The following SIN3B variants were observed in gnomAD, a reference collection of about 807,000 sequenced individuals.
The protein encoded by SIN3B is paired amphipathic helix protein Sin3b.
In SIN3B, 19 loss-of-function variants were observed where a neutral mutation model predicts 120.2. The observed-to-expected ratio is 0.16, with a 90% CI of 0.11 to 0.23. The LOEUF (loss-of-function observed/expected upper bound fraction) is 0.23, where lower values mean the gene tolerates loss of function less well. Among genes scored for constraint, SIN3B ranks in the 10% least tolerant of loss-of-function variants. SIN3B has a pLI of 1.00. For synonymous variants in SIN3B, 654 were observed against 653.2 expected (o/e 1.00, Z -0.02); for missense variants, 1,073 against 1,573.0 (o/e 0.68, Z 5.38).
intron 2 of SIN3B, among the ~76,000 whole-genome samples, chr19:16,830,657 C>T (rs1189038789): frequency 2.0e-5 from 3 of 152,162 alleles, no homozygotes; most frequent in East Asian, 3.9e-4. Flanking sequence ...GGTTTCCTTC[C>T]GGGAGCCCAG....
chr19:16,829,799 C>T lies in SIN3B; in HGVS notation c.129C>T (p.Asp43=). The T allele has an allele frequency of 1.2e-6, 2 of 1,612,256 alleles. No individual in the cohort carries two copies. The highest frequency in any genetic ancestry group is 1.7e-6 in the Non-Finnish European group (2 of 1,178,656). Reference sequence around the variant, plus strand: ...CCTCCCCCTCTCTGCAGGTAGAAGACGCCCTCACCTATCTGGACCAGGTGA... The same window carrying T: ...CCTCCCCCTCTCTGCAGGTAGAAGATGCCCTCACCTATCTGGACCAGGTGA... The part of the protein sequence containing the change: ...GHEKLPVHVE[D]ALTYLDQVKI... Residue 43 remains aspartate, a synonymous_variant, in exon 2 of 19, where the codon GAC becomes GAT. Coordinates refer to ENST00000248054, the MANE Select transcript of SIN3B (RefSeq NM_001297595.2).
chr19:16,865,694 T>TTCCCTC, intron 11 of SIN3B, 46 bp downstream of exon 11: 1 of 1,153,498 alleles, frequency 8.7e-7, no homozygotes, highest in Non-Finnish European at 1.2e-6. Context: ...CCTTCCCCCT[T>TTCCCTC]CCCTCCCCTC....
chr19:16,860,592 G>A (rs1009567011), intron 8 of SIN3B, among the ~76,000 whole-genome samples: 15 of 149,656 alleles, frequency 1.0e-4, no homozygotes, highest in Non-Finnish European at 1.9e-4. Context: ...CAAAGTAACT[G>A]CAACTTTTTT....
At chr19:16,857,515 A>ATGTGTGTGTG (rs1555742137) in intron 8 of SIN3B, among the ~76,000 whole-genome samples, 6 of 62,162 alleles carry the variant, frequency 9.7e-5, no homozygotes, top group Non-Finnish European at 1.8e-4. Flanking sequence ...CTTAAAAAAA[A>ATGTGTGTGTG]TATGTGTGTG....
intron 14 of SIN3B, among the ~76,000 whole-genome samples, chr19:16,875,577 CTGGTT>C (rs1466189662): frequency 7.7e-5 from 10 of 129,764 alleles, no homozygotes; most frequent in African/African-American, 2.8e-4. Flanking sequence ...CTGGTCTGGT[CTGGTT>C]TGGTTTTGGT....
At chr19:16,835,493 TTC>T (rs1284235983) in intron 3 of SIN3B, among the ~76,000 whole-genome samples, 1 of 69,876 alleles carries the variant, frequency 1.4e-5, no homozygotes, top group African/African-American at 4.9e-5. Context: ...CCTCCCAAAG[TTC>T]TTTTTTTTTT....
rs1191435661 is a variant in SIN3B, at chr19:16,876,024, G to A, written c.2593-31G>A. The A allele has an allele frequency of 6.5e-7, 1 of 1,531,388 alleles. No individual in the cohort carries two copies. Among genetic ancestry groups the A allele is most frequent in the South Asian group, 1.2e-5 (1 of 81,822 alleles). 94.9% of individuals were successfully genotyped at this position (1,531,388 alleles called of 1,614,324 possible). ...GGTGGGGACTCCCGCAGGAGGCGGG[G>A]TGGCCGCACCACCTGCTTTCCTCCC... On this transcript the variant is annotated intron_variant, in intron 14 of 18. Coordinates refer to ENST00000248054, the MANE Select transcript of SIN3B (RefSeq NM_001297595.2). The surrounding 1 kb of genome is among the most constrained non-coding windows in gnomAD (Gnocchi z 7.1).
chr19:16,833,019 C>A (rs927837163), intron 3 of SIN3B, among the ~76,000 whole-genome samples: 40 of 152,264 alleles, frequency 2.6e-4, no homozygotes, highest in Admixed American at 1.1e-3. Context: ...ACCTACCAGA[C>A]CTTCACTCAG....
chr19:16,875,881 C>G (rs1599618356), intron 14 of SIN3B, 174 bp from the exon 15 acceptor site: 1 of 735,918 alleles, frequency 1.4e-6, no homozygotes, highest in Non-Finnish European at 2.2e-6. Flanking sequence ...CTGGTCTGGT[C>G]TGGTCTGTTT....
chr19:16,834,679 G>A (rs1199978595), intron 3 of SIN3B, among the ~76,000 whole-genome samples: 1 of 152,150 alleles, frequency 6.6e-6, no homozygotes, highest in Non-Finnish European at 1.5e-5. Context: ...GCTTCCAGTT[G>A]ATATTGACAC....
At chr19:16,851,872 G>A (rs1971550741) in intron 6 of SIN3B, among the ~76,000 whole-genome samples, 1 of 152,222 alleles carries the variant, frequency 6.6e-6, no homozygotes, top group Non-Finnish European at 1.5e-5. Flanking sequence ...TGTTCAGGTT[G>A]GTCACTGCAC....
At chr19:16,878,425 C>A in intron 18 of SIN3B, 35 bp downstream of exon 18, 1 of 1,593,862 alleles carries the variant, frequency 6.3e-7, no homozygotes, top group Non-Finnish European at 8.5e-7. Context: ...CCGACATGCC[C>A]CTCCTCACCC....
intron 8 of SIN3B, among the ~76,000 whole-genome samples, chr19:16,860,815 G>A (rs903916178): frequency 4.0e-5 from 6 of 151,374 alleles, no homozygotes; most frequent in Non-Finnish European, 8.9e-5. Flanking sequence ...CCGTGGTCTC[G>A]ATCTCCTGAC....
At chr19:16,842,076 T>A in intron 4 of SIN3B, 108 bp downstream of exon 4, 1 of 996,072 alleles carries the variant, frequency 1.0e-6, no homozygotes, top group Non-Finnish European at 1.5e-6. Context: ...TGTAAAATTC[T>A]AATTAGTTGT....
Position 16,878,323 on chromosome 19 carries a change from A to G in SIN3B, c.3095A>G (p.Lys1032Arg). 3 of 1,612,362 alleles carry G rather than the reference A, an allele frequency of 1.9e-6. No homozygotes were observed. The highest frequency in any genetic ancestry group is 1.3e-5 in the African/African-American group (1 of 75,026). Reference protein sequence around the residue: ...VDCRFKLSTHKMVFIVNSEDY... With the variant: ...VDCRFKLSTHRMVFIVNSEDY... ...TGCCGCTTCAAGCTCAGCACTCACA[A>G]GATGGTGTTCATCGTGAACTCCGAG... The change falls in exon 18 of 19, where the codon AAG becomes AGG. Residue 1032 changes from lysine (K) to arginine (R), a missense_variant. Physicochemically the swap from Lys to Arg is conservative, Grantham distance 26 (BLOSUM62 2). Transcript: ENST00000248054.
chr19:16,852,905 G>A (rs1971563868), intron 6 of SIN3B, among the ~76,000 whole-genome samples, 164 bp from the exon 7 acceptor site: 1 of 152,148 alleles, frequency 6.6e-6, no homozygotes, highest in African/African-American at 2.4e-5. Flanking sequence ...GTCATCTCAG[G>A]GGTCCTGGGT....
At chr19:16,848,475 T>G (rs184970988) in intron 5 of SIN3B, among the ~76,000 whole-genome samples, 1 of 148,302 alleles carries the variant, frequency 6.7e-6, no homozygotes, top group Admixed American at 6.8e-5. Flanking sequence ...CATCAGTGTG[T>G]GAAGTTTTAT....
intron 3 of SIN3B, among the ~76,000 whole-genome samples, chr19:16,833,924 G>C (rs1220498277): frequency 6.6e-6 from 1 of 151,696 alleles, no homozygotes; most frequent in Non-Finnish European, 1.5e-5. Flanking sequence ...TGGGGGTTTC[G>C]CCATGTTGGT....
intron 4 of SIN3B, among the ~76,000 whole-genome samples, chr19:16,845,829 C>T (rs1174247569): frequency 2.0e-5 from 3 of 152,246 alleles, no homozygotes; most frequent in Non-Finnish European, 4.4e-5. Flanking sequence ...TCAAGCAATC[C>T]TCTTGCCTCA....
Sources: gnomAD v4.1 joint callset for allele counts (sites outside exome capture counted in the v4.1 genomes callset) on GRCh38, gnomAD v4.1.1 for gene constraint, Gnocchi (gnomAD v3.1) non-coding constraint, MANE v1.5 for transcripts, NCBI Gene and HGNC (gene_info 2026-07-23, HGNC 2026-07-21) for gene names.